ARFGEF3: variants seen among roughly 807,000 people sequenced by gnomAD.
The protein encoded by ARFGEF3 is brefeldin A-inhibited guanine nucleotide-exchange protein 3.
Under a neutral mutation model 221.7 loss-of-function variants are expected in ARFGEF3, and 96 were observed. That is an observed-to-expected ratio of 0.43 (90% CI 0.37 to 0.51). The LOEUF is 0.51. ARFGEF3 is among the 20% of genes least tolerant of loss of function. The pLI is 0.00. For synonymous variants in ARFGEF3, 1,145 were observed against 1,126.8 expected (o/e 1.02, Z -0.32); for missense variants, 2,410 against 2,789.9 (o/e 0.86, Z 3.07).
rs746538903 is a variant in ARFGEF3, at chr6:138,307,265, A to G, written c.3841A>G (p.Ile1281Val). The G allele has an allele frequency of 6.2e-7, 1 of 1,613,716 alleles. No homozygotes were observed. Among genetic ancestry groups the G allele is most frequent in the South Asian group, 1.1e-5 (1 of 90,996 alleles). The change falls in exon 23 of 34, where the codon ATT becomes GTT. Residue 1281 changes from isoleucine to valine, a missense_variant. Ile to Val is a conservative substitution (Grantham distance 29, BLOSUM62 3). Transcript: ENST00000251691. ...TTGCCTCTACCAGGTTGTCACATCCATTGGTGAGCTGGTTGAAGTGTGTTC... is the reference window on the plus strand; with the variant it reads ...TTGCCTCTACCAGGTTGTCACATCCGTTGGTGAGCTGGTTGAAGTGTGTTC... ...EDVQDQVVTS[I>V]GELVEVCSTQ...
intron 4 of ARFGEF3, among the ~76,000 whole-genome samples, chr6:138,222,597 A>C (rs569872448): frequency 3.2e-4 from 48 of 152,334 alleles, no homozygotes; most frequent in African/African-American, 1.2e-3. Context: ...TACATATCCT[A>C]CAATGAGCAG....
At chr6:138,170,456 C>T (rs1776805435) in intron 1 of ARFGEF3, among the ~76,000 whole-genome samples, 1 of 152,074 alleles carries the variant, frequency 6.6e-6, no homozygotes. Context: ...CTTTCCCCTC[C>T]TAGTTTGCAA....
intron 12 of ARFGEF3, 54 bp from the exon 13 acceptor site, chr6:138,278,397 C>T: frequency 1.3e-6 from 2 of 1,557,816 alleles, no homozygotes; most frequent in South Asian, 2.3e-5. Context: ...TGGAAGCCAG[C>T]CTTGCCAAGC....
At chr6:138,289,679 G>A in intron 17 of ARFGEF3, 139 bp from the exon 18 acceptor site, 1 of 851,646 alleles carries the variant, frequency 1.2e-6, no homozygotes, top group East Asian at 2.7e-5. Context: ...TGGTCCGCAA[G>A]GACCTACTGT....
chr6:138,207,978 G>C (rs1189673563), intron 3 of ARFGEF3, among the ~76,000 whole-genome samples: 1 of 152,138 alleles, frequency 6.6e-6, no homozygotes, highest in Non-Finnish European at 1.5e-5. Flanking sequence ...TTTATACACA[G>C]CAGCATTTGA....
At chr6:138,320,233 G>T (rs1265349774) in intron 28 of ARFGEF3, among the ~76,000 whole-genome samples, 1 of 151,424 alleles carries the variant, frequency 6.6e-6, no homozygotes, top group Admixed American at 6.6e-5. Context: ...GTAGCCTGTG[G>T]GGGGGTAGCG....
chr6:138,299,640 C>G (rs922441390), intron 22 of ARFGEF3, among the ~76,000 whole-genome samples: 2 of 152,212 alleles, frequency 1.3e-5, no homozygotes, highest in African/African-American at 4.8e-5. Flanking sequence ...GTAAGCGGAG[C>G]CCTTAGGCTG....
chr6:138,344,269 A>G lies in ARFGEF3; in HGVS notation c.*7783A>G, dbSNP rs1009256569. 1 of 152,202 alleles carries G rather than the reference A, an allele frequency of 6.6e-6. No homozygotes were observed. The highest frequency in any genetic ancestry group is 2.4e-5 in the African/African-American group (1 of 41,464). The allele number at this position is 152,202 out of a possible 1,614,324, so 9.4% of individuals were successfully genotyped here. On this transcript the variant is annotated 3_prime_UTR_variant, in exon 34 of 34. Coordinates refer to ENST00000251691, the MANE Select transcript of ARFGEF3 (RefSeq NM_020340.5). ...GTATACCATTTTACCTATAAAATGCAAAATTCATCCTTGCAACCCCATTCA... is the reference window on the plus strand; with the variant it reads ...GTATACCATTTTACCTATAAAATGCGAAATTCATCCTTGCAACCCCATTCA...
At chr6:138,317,194 G>T in intron 26 of ARFGEF3, 57 bp from the exon 27 acceptor site, 1 of 1,581,590 alleles carries the variant, frequency 6.3e-7, no homozygotes. Flanking sequence ...TGGATCTTGA[G>T]ATGATTATTC....
intron 4 of ARFGEF3, among the ~76,000 whole-genome samples, chr6:138,223,320 A>G (rs1242129140): frequency 6.6e-6 from 1 of 152,230 alleles, no homozygotes; most frequent in Non-Finnish European, 1.5e-5. Flanking sequence ...TTTAAAGCCA[A>G]TCTACATGAG....
intron 2 of ARFGEF3, among the ~76,000 whole-genome samples, chr6:138,184,072 C>A (rs1317735331): frequency 6.6e-6 from 1 of 152,110 alleles, no homozygotes; most frequent in African/African-American, 2.4e-5. Context: ...GGTCTCAAGA[C>A]CCTGTACATT....
At chr6:138,319,654 A>G in intron 27 of ARFGEF3, 49 bp from the exon 28 acceptor site, 8 of 1,391,592 alleles carry the variant, frequency 5.7e-6, no homozygotes, top group Non-Finnish European at 7.9e-6. Flanking sequence ...GGAGGCAAAG[A>G]GCTTCCCTTT....
chr6:138,188,079 A>T (rs531725395), intron 2 of ARFGEF3, among the ~76,000 whole-genome samples: 1 of 152,276 alleles, frequency 6.6e-6, no homozygotes, highest in South Asian at 2.1e-4. Flanking sequence ...TTATTGAGAA[A>T]TTCCCTTTTT....
chr6:138,242,651 G>GT (rs1778413985), intron 6 of ARFGEF3, among the ~76,000 whole-genome samples: 1 of 152,192 alleles, frequency 6.6e-6, no homozygotes, highest in Admixed American at 6.5e-5. Context: ...AATCCTGCGA[G>GT]TTTAAGTGCA....
chr6:138,203,093 C>G (rs920902958), intron 2 of ARFGEF3, among the ~76,000 whole-genome samples: 4 of 152,102 alleles, frequency 2.6e-5, no homozygotes, highest in African/African-American at 4.8e-5. Flanking sequence ...GTTTGGGGAC[C>G]TGTGGATTCC....
intron 11 of ARFGEF3, 130 bp from the exon 12 acceptor site, chr6:138,262,571 T>G: frequency 1.1e-6 from 1 of 896,886 alleles, no homozygotes; most frequent in Non-Finnish European, 1.7e-6. Context: ...CCAGACCATT[T>G]TGTTTTATTC....
In ARFGEF3 at chr6:138,338,867, C is replaced by T. The variant is rs117539295; in HGVS notation, c.*2381C>T. The T allele has an allele frequency of 1.7e-3, 263 of 151,236 alleles. 3 individuals carry two copies. The Middle Eastern group carries it at 0.035, about 20-fold the overall frequency. The allele number at this position is 151,236 out of a possible 1,614,324, so 9.4% of individuals were successfully genotyped here. ...TGTTAGTTGTTTGTTTGGAAATCAG[C>T]ATTCTCCCCGATGCTCTATTATGGG... On this transcript the variant is annotated 3_prime_UTR_variant, in exon 34 of 34. Transcript: ENST00000251691.
intron 9 of ARFGEF3, among the ~76,000 whole-genome samples, chr6:138,254,425 A>G (rs990983710): frequency 6.6e-6 from 1 of 151,146 alleles, no homozygotes; most frequent in Non-Finnish European, 1.5e-5. Flanking sequence ...TCCCAAAAAA[A>G]AAAAAAAATT....
chr6:138,262,693 CTG>C lies in ARFGEF3; in HGVS notation c.1218-6_1218-5del. 6.3e-7 allele frequency: 1 copy of C among 1,586,146 alleles called. No individual in the cohort carries two copies. The highest frequency in any genetic ancestry group is 2.3e-5 in the East Asian group (1 of 44,290). On this transcript the variant is annotated splice_polypyrimidine_tract_variant and splice_region_variant and intron_variant, in intron 11 of 33. Transcript: ENST00000251691. ...TTTATTCCATTTTCTCTTTTGAACA[CTG>C]TTTAGCATCATGGATGGCATGACCG...
Sources: gnomAD v4.1 joint callset for allele counts (sites outside exome capture counted in the v4.1 genomes callset) on GRCh38, gnomAD v4.1.1 for gene constraint, MANE v1.5 for transcripts, NCBI Gene and HGNC (gene_info 2026-07-23, HGNC 2026-07-21) for gene names.